ADAMTS7: variants seen among roughly 807,000 people sequenced by gnomAD.
ADAMTS7 encodes the protein A disintegrin and metalloproteinase with thrombospondin motifs 7.
In ADAMTS7, 89 loss-of-function variants were observed where a neutral mutation model predicts 172.6. That is an observed-to-expected ratio of 0.52 (90% CI 0.43 to 0.61). The LOEUF is 0.61. ADAMTS7 is among the 20% of genes least tolerant of loss of function. The probability of loss-of-function intolerance (pLI) is 0.00; values close to 1 mark genes in which losing one functional copy is unlikely to be tolerated. For synonymous variants in ADAMTS7, 885 were observed against 978.4 expected, an observed-to-expected ratio of 0.90 and a Z score of 1.78; for missense variants, 1,973 against 2,355.6, an observed-to-expected ratio of 0.84 and a Z score of 3.36.
At chr15:78,782,392 A>C (rs1272412837) in intron 8 of ADAMTS7, among the ~76,000 whole-genome samples, 1 of 107,220 alleles carries the variant, frequency 9.3e-6, no homozygotes, top group African/African-American at 3.7e-5. Context: ...CCCCCACCCC[A>C]GTACTCCCTC....
chr15:78,800,431 A>G lies in ADAMTS7; in HGVS notation c.217T>C (p.Ser73Pro). 6.2e-7 allele frequency: 1 copy of G among 1,610,786 alleles called. No individual in the cohort carries two copies. Among genetic ancestry groups the G allele is most frequent in the South Asian group, 1.1e-5 (1 of 90,738 alleles). ...WPRALRKRDV[S>P]VRRDAPAFYE... ...AAGGCGGGCGCGTCTCGGCGCACAGATACATCCCGCTTGCGCAGTGCGCGG... is the reference window on the plus strand; with the variant it reads ...AAGGCGGGCGCGTCTCGGCGCACAGGTACATCCCGCTTGCGCAGTGCGCGG... The change falls in exon 2 of 24, where the codon TCT becomes CCT. Residue 73 changes from serine to proline, a missense_variant. Ser to Pro is a moderately conservative substitution (Grantham distance 74, BLOSUM62 -1). Transcript: ENST00000388820.
intron 8 of ADAMTS7, among the ~76,000 whole-genome samples, chr15:78,783,866 A>T (rs1433497982): frequency 1.3e-5 from 2 of 151,796 alleles, no homozygotes; most frequent in African/African-American, 4.8e-5. Context: ...CAGACTGGGG[A>T]TTCTGAACTG....
chr15:78,764,623 G>C lies in ADAMTS7; in HGVS notation c.4351C>G (p.Arg1451Gly). The C allele has an allele frequency of 1.3e-6, 2 of 1,551,862 alleles. No homozygotes were observed. Among genetic ancestry groups the C allele is most frequent in the Non-Finnish European group, 1.7e-6 (2 of 1,156,638 alleles). Residue 1451 changes from arginine to glycine, a missense_variant, in exon 20 of 24, where the codon CGG becomes GGG. By Grantham distance (125) the Arg-to-Gly change is moderately radical. Coordinates refer to ENST00000388820, the MANE Select transcript of ADAMTS7 (RefSeq NM_014272.5). ...TGGCAGCGGCGGGCAGGCTGGGGCC[G>C]GCCAGCGGGGGCGCAGTCCTCATCC... ...GRDEDCAPAG[R>G]PQPARRCHLR...
intron 8 of ADAMTS7, among the ~76,000 whole-genome samples, 171 bp downstream of exon 8, chr15:78,788,060 C>G (rs73462910): frequency 0.011 from 1,668 of 152,252 alleles, 11 homozygotes; most frequent in Non-Finnish European, 0.014. Context: ...TCTACCCTGG[C>G]CCTGCAGTGT....
At position 78,800,271 on chromosome 15, in the gene ADAMTS7, G is replaced by A. The variant is rs61754850; in HGVS notation, c.377C>T (p.Pro126Leu). ...LGRAHIRAHT[P>L]ACHLLGEVQD... The stretch of plus-strand genomic sequence containing the variant: ...CACCTCGCCAAGCAGGTGGCAGGCC[G>A]GGGTGTGGGCCCGGATGTGCGCGCG... Residue 126 changes from proline (P) to leucine (L), a missense_variant, in exon 2 of 24, where the codon CCG (proline) becomes CTG (leucine). By Grantham distance (98) the Pro-to-Leu change is moderately conservative. Around this residue, in one of 8 missense-constraint regions of ADAMTS7, gnomAD observed 306 missense variants for 288.0 expected, o/e 1.06. Coordinates refer to ENST00000388820, the MANE Select transcript of ADAMTS7 (RefSeq NM_014272.5). The A allele has an allele frequency of 3.0e-3, 4,777 of 1,594,878 alleles. 11 individuals carry two copies. Among genetic ancestry groups the A allele is most frequent in the Non-Finnish European group, 3.5e-3 (4,117 of 1,177,414 alleles).
chr15:78,766,318 A>T lies in ADAMTS7; in HGVS notation c.3593T>A (p.Val1198Asp). 6.2e-7 allele frequency: 1 copy of T among 1,611,252 alleles called. No homozygotes were observed. The highest frequency in any genetic ancestry group is 1.1e-5 in the South Asian group (1 of 90,996). Residue 1198 changes from valine to aspartate, a missense_variant, in exon 19 of 24, where the codon GTT becomes GAT. By Grantham distance (152) the Val-to-Asp change is radical (BLOSUM62 -3). Around this residue, in one of 8 missense-constraint regions of ADAMTS7, gnomAD observed 771 missense variants for 952.6 expected, o/e 0.81. Transcript: ENST00000388820. ...CAGCTGGCTCTGGCTGTCCTTGCCA[A>T]CTGGGAAATCATTTTGGCTCTCAGG... is the stretch of plus-strand genomic sequence containing the variant. The part of the protein sequence containing the change: ...ATPESQNDFP[V>D]GKDSQSQLPP...
intron 1 of ADAMTS7, among the ~76,000 whole-genome samples, chr15:78,809,900 C>A (rs533203145): frequency 1.3e-5 from 2 of 152,358 alleles, no homozygotes; most frequent in South Asian, 4.1e-4. Context: ...AATAAGAACC[C>A]GTGAGGCTGG....
At chr15:78,770,864 GGGCCACTGGACT>G (rs2055236314) in intron 16 of ADAMTS7, 2 of 400,894 alleles carry the variant, frequency 5.0e-6, no homozygotes, top group Non-Finnish European at 9.1e-6. Flanking sequence ...GTGTGGTGAG[GGGCCACTGGACT>G]GGTCTATCGA....
At chr15:78,780,134 C>T (rs1246436658) in intron 8 of ADAMTS7, among the ~76,000 whole-genome samples, 1 of 144,170 alleles carries the variant, frequency 6.9e-6, no homozygotes, top group Non-Finnish European at 1.5e-5. Flanking sequence ...CACAGGCGGC[C>T]GGCAGCCAGC....
rs1436312740 is a variant in ADAMTS7 at position 78,759,720 on chromosome 15, G to A, written c.4904-142C>T. The A allele has an allele frequency of 7.9e-5, 86 of 1,086,002 alleles. No homozygotes were observed. The South Asian group carries it at 8.1e-4, about 10-fold the overall frequency. The allele number at this position is 1,086,002 out of a possible 1,614,324, so 67.3% of individuals were successfully genotyped here. On this transcript the variant is annotated intron_variant, in intron 23 of 23. Coordinates refer to ENST00000388820, the MANE Select transcript of ADAMTS7 (RefSeq NM_014272.5). ...CAGTTTCTGGAGCGGCTCCCGAACC[G>A]GAGTTGCAGGTCTCCAACTGTTGCT...
chr15:78,798,018 G>T lies in ADAMTS7; in HGVS notation c.552C>A (p.Tyr184Ter). The T allele has an allele frequency of 6.3e-7, 1 of 1,582,248 alleles. No homozygotes were observed. The highest frequency in any genetic ancestry group is 8.6e-7 in the Non-Finnish European group (1 of 1,168,300). Residue 184 changes from tyrosine to a stop codon, truncating the protein, a stop_gained, in exon 3 of 24, where the codon TAC becomes TAA. Coordinates refer to ENST00000388820, the MANE Select transcript of ADAMTS7 (RefSeq NM_014272.5). LOFTEE classifies it high-confidence loss of function. ...CCAGCCTCTCCGGGGCCTGACGCTT[G>T]TACACCACATGGGGCTGGGCGTGGC... ...RPGHAQPHVV[Y>*]KRQAPERLAQ...
At chr15:78,805,487 C>T (rs973414890) in intron 1 of ADAMTS7, among the ~76,000 whole-genome samples, 12 of 152,166 alleles carry the variant, frequency 7.9e-5, no homozygotes, top group African/African-American at 1.4e-4. Flanking sequence ...CTATGCTCCC[C>T]GGTCCTCAGT....
rs141096907 is a variant in ADAMTS7, at chr15:78,792,792, C to T, written c.820-1569G>A. ...TTGCACCACTGCACTCCGACCTGGG[C>T]GACAGAGCAAGACTCCATCTCCAAA... is the stretch of plus-strand genomic sequence containing the variant. On this transcript the variant is annotated intron_variant, in intron 4 of 23. Transcript: ENST00000388820. Among the ~76,000 whole-genome samples, 260 of 151,664 alleles carry T rather than the reference C, an allele frequency of 1.7e-3. 1 individual carries two copies. Among genetic ancestry groups the T allele is most frequent in the African/African-American group, 3.8e-3 (158 of 41,252 alleles).
intron 8 of ADAMTS7, among the ~76,000 whole-genome samples, chr15:78,779,861 C>T (rs1306248612): frequency 3.3e-5 from 5 of 151,216 alleles, no homozygotes; most frequent in Admixed American, 1.3e-4. Flanking sequence ...GTGGCTCCTG[C>T]GGGCCTGCTG....
chr15:78,774,341 C>T (rs369820600), intron 12 of ADAMTS7, 41 bp from the exon 13 acceptor site: 43 of 1,521,220 alleles, frequency 2.8e-5, no homozygotes, highest in African/African-American at 1.5e-4. Context: ...ACAGCTGGGG[C>T]GGGAGTATGG....
chr15:78,766,539 T>G lies in ADAMTS7; in HGVS notation c.3372A>C (p.Val1124=). The G allele has an allele frequency of 6.3e-7, 1 of 1,596,514 alleles. No homozygotes were observed. The highest frequency in any genetic ancestry group is 8.5e-7 in the Non-Finnish European group (1 of 1,172,066). Residue 1124 remains valine, a synonymous_variant, in exon 19 of 24, where the codon GTA becomes GTC. Transcript: ENST00000388820. ...TEPPAAKEEG[V]LGPWSPSPWP... is the part of the protein sequence containing the mutation. ...AAGGGCTCGGGGACCAAGGTCCCAG[T>G]ACCCCCTCCTCCTTGGCTGCAGGAG...
chr15:78,804,402 G>A (rs953202654), intron 1 of ADAMTS7, among the ~76,000 whole-genome samples: 9 of 152,160 alleles, frequency 5.9e-5, no homozygotes, highest in African/African-American at 1.9e-4. Context: ...TAGGGAACTT[G>A]GCAATCCGGA....
chr15:78,804,618 GC>G (rs1490511433), intron 1 of ADAMTS7, among the ~76,000 whole-genome samples: 7 of 151,488 alleles, frequency 4.6e-5, no homozygotes, highest in Non-Finnish European at 1.0e-4. Context: ...CACGTAGAGT[GC>G]CCTGCACATG....
chr15:78,777,624 C>G (rs761252237), intron 8 of ADAMTS7, 36 bp from the exon 9 acceptor site: 4 of 1,580,186 alleles, frequency 2.5e-6, no homozygotes, highest in Non-Finnish European at 3.4e-6. Context: ...GGGGGCGCAG[C>G]CTGTGAGACC....
Sources: allele counts gnomAD v4.1 joint callset (sites outside exome capture counted in the v4.1 genomes callset), GRCh38; gene constraint gnomAD v4.1.1; regional missense constraint gnomAD v4.1.1; transcripts MANE v1.5; gene names NCBI Gene and HGNC (gene_info 2026-07-23, HGNC 2026-07-21).